The following SPATA13 variants were observed in gnomAD, a reference collection of about 807,000 sequenced individuals.
SPATA13 encodes spermatogenesis-associated protein 13.
A neutral mutation model predicts 104.0 loss-of-function variants in SPATA13; 50 were observed. The observed-to-expected ratio is 0.48, with a 90% CI of 0.38 to 0.61. The LOEUF (loss-of-function observed/expected upper bound fraction) is 0.61, where lower values mean the gene tolerates loss of function less well. Among genes scored for constraint, SPATA13 ranks in the 20% least tolerant of loss-of-function variants. The pLI is 0.00. For synonymous variants in SPATA13, 606 were observed against 667.5 expected, an observed-to-expected ratio of 0.91 and a Z score of 1.42; for missense variants, 1,524 against 1,690.6, an observed-to-expected ratio of 0.90 and a Z score of 1.73.
chr13:24,156,347 C>G (rs775368139), upstream of SPATA13, among the ~76,000 whole-genome samples: 17 of 152,178 alleles, frequency 1.1e-4, no homozygotes, highest in African/African-American at 3.9e-4. Context: ...CGTATTCCCC[C>G]CTCCAAACCC....
chr13:24,171,218 A>G (rs1882952785), intron 1 of SPATA13, among the ~76,000 whole-genome samples: 1 of 152,188 alleles, frequency 6.6e-6, no homozygotes, highest in Non-Finnish European at 1.5e-5. Context: ...CTGTCGTGCC[A>G]TCTGAGCATG....
chr13:24,046,792 C>T (rs1159140847), intron 3 of SPATA13, among the ~76,000 whole-genome samples: 1 of 151,920 alleles, frequency 6.6e-6, no homozygotes, highest in East Asian at 1.9e-4. Flanking sequence ...TGGATATATA[C>T]CTAGAGATGT....
chr13:24,157,798 G>A (rs1316706733), upstream of SPATA13, among the ~76,000 whole-genome samples: 2 of 152,176 alleles, frequency 1.3e-5, no homozygotes, highest in African/African-American at 4.8e-5. Flanking sequence ...GGAGCTCACA[G>A]CACTGCTTTG....
At chr13:24,037,945 T>G (rs1172844902) in intron 3 of SPATA13, among the ~76,000 whole-genome samples, 1 of 151,978 alleles carries the variant, frequency 6.6e-6, no homozygotes, top group Non-Finnish European at 1.5e-5. Flanking sequence ...GGAGTCTCGC[T>G]CTGTCACCCA....
intron 3 of SPATA13, among the ~76,000 whole-genome samples, chr13:24,021,698 T>A (rs1407597851): frequency 6.6e-6 from 1 of 151,562 alleles, no homozygotes; most frequent in Admixed American, 6.6e-5. Flanking sequence ...TCATACTCTG[T>A]GAAGGTTGTT....
rs560406579 is a variant in SPATA13, at chr13:24,048,295, C to T, written c.-112+30594C>T. Among the ~76,000 whole-genome samples, 4 of 151,782 alleles carry T rather than the reference C, an allele frequency of 2.6e-5. No individual in the cohort carries two copies. In the East Asian group the frequency reaches 5.8e-4, roughly 22 times the overall value. ...TCCCAGATGACTGTTGCATTTTTAG[C>T]ATTACGTTATATTGTTTAGAAAATA... is the stretch of plus-strand genomic sequence containing the variant. On this transcript the variant is annotated intron_variant, in intron 3 of 14. Transcript: ENST00000424834.
At chr13:24,150,402 C>G (rs909472040) in intron 3 of SPATA13, among the ~76,000 whole-genome samples, 1 of 152,210 alleles carries the variant, frequency 6.6e-6, no homozygotes, top group African/African-American at 2.4e-5. Context: ...TGAGATGTCA[C>G]CGACTGGCAT....
chr13:23,999,704 G>A (rs1032994102), intron 2 of SPATA13, among the ~76,000 whole-genome samples: 1 of 152,194 alleles, frequency 6.6e-6, no homozygotes, highest in Non-Finnish European at 1.5e-5. Context: ...TTACTCTCAA[G>A]TCTGGCCTGG....
intron 3 of SPATA13, chr13:24,033,632 C>A: frequency 6.6e-6 from 1 of 152,484 alleles, no homozygotes; most frequent in Non-Finnish European, 1.5e-5. Context: ...CAGTGGGGAC[C>A]TGGTGTGGCA....
chr13:24,113,446 T>C (rs1203853099), intron 3 of SPATA13, among the ~76,000 whole-genome samples: 1 of 151,666 alleles, frequency 6.6e-6, no homozygotes, highest in Non-Finnish European at 1.5e-5. Context: ...CTACTGACAA[T>C]ACAAAAAATT....
chr13:24,214,390 T>C (rs765180860), intron 1 of SPATA13, among the ~76,000 whole-genome samples: 7 of 152,240 alleles, frequency 4.6e-5, no homozygotes, highest in Non-Finnish European at 1.0e-4. Context: ...CTTTACATGT[T>C]ACCAAGAAAG....
intron 4 of SPATA13, among the ~76,000 whole-genome samples, chr13:24,269,315 A>G (rs916620729): frequency 1.3e-5 from 2 of 152,312 alleles, no homozygotes; most frequent in African/African-American, 2.4e-5. Flanking sequence ...GCTCATCACT[A>G]TAAAGCATGC....
chr13:24,168,227 T>G (rs1210014369), intron 1 of SPATA13, among the ~76,000 whole-genome samples: 3 of 152,172 alleles, frequency 2.0e-5, no homozygotes, highest in Admixed American at 6.5e-5. Flanking sequence ...CCATAGCCGG[T>G]GCCCTTGGAA....
At chr13:24,096,855 T>C (rs1880101669) in intron 3 of SPATA13, among the ~76,000 whole-genome samples, 1 of 152,194 alleles carries the variant, frequency 6.6e-6, no homozygotes, top group Non-Finnish European at 1.5e-5. Flanking sequence ...CATTTCAGGC[T>C]GTGGAGGCCA....
rs1410648205 is a variant in SPATA13 at position 24,289,198 on chromosome 13, A to G, written c.2847+20A>G. On this transcript the variant is annotated intron_variant, in intron 8 of 12. Transcript: ENST00000382108. ...CAAAATGTGCGTCACCCTTTACTTC[A>G]TTATTAATAACATCTGCTTACATAA... 3.2e-6 allele frequency: 5 copies of G among 1,587,110 alleles called. No homozygotes were observed. Among genetic ancestry groups the G allele is most frequent in the Non-Finnish European group, 4.3e-6 (5 of 1,168,036 alleles).
intron 3 of SPATA13, among the ~76,000 whole-genome samples, chr13:24,127,828 T>G (rs1010742367): frequency 3.9e-5 from 6 of 152,222 alleles, no homozygotes; most frequent in African/African-American, 1.4e-4. Context: ...CAGCAAGGAA[T>G]AAAAACAAGA....
intron 7 of SPATA13, 92 bp downstream of exon 7, chr13:24,287,042 C>T: frequency 1.9e-6 from 2 of 1,076,834 alleles, no homozygotes; most frequent in Non-Finnish European, 2.7e-6. Flanking sequence ...CCCCGCCCCC[C>T]CATCAGGCTC....
intron 3 of SPATA13, among the ~76,000 whole-genome samples, chr13:24,023,883 C>T (rs934577716): frequency 6.6e-6 from 1 of 152,244 alleles, no homozygotes; most frequent in Non-Finnish European, 1.5e-5. Flanking sequence ...AGACGGTGAT[C>T]TGCAATGTTT....
At chr13:24,077,709 C>T (rs1020874555) in intron 3 of SPATA13, among the ~76,000 whole-genome samples, 1 of 152,134 alleles carries the variant, frequency 6.6e-6, no homozygotes, top group Non-Finnish European at 1.5e-5. Context: ...GCGGCACACA[C>T]TATGCTGTAG....
Sources: gnomAD v4.1 joint callset for allele counts (sites outside exome capture counted in the v4.1 genomes callset) on GRCh38, gnomAD v4.1.1 for gene constraint, MANE v1.5 for transcripts, NCBI Gene and HGNC (gene_info 2026-07-23, HGNC 2026-07-21) for gene names.